SPOCK3: variants seen among roughly 807,000 people sequenced by gnomAD.
SPOCK3 encodes the protein SPARC (osteonectin), cwcv and kazal like domains proteoglycan 3, also known as testican-3.
In SPOCK3, 30 loss-of-function variants were observed where a neutral mutation model predicts 56.6. That is an observed-to-expected ratio of 0.53 (90% CI 0.40 to 0.72). The LOEUF (loss-of-function observed/expected upper bound fraction) is 0.72, where lower values mean the gene tolerates loss of function less well. Ranked by LOEUF, SPOCK3 falls within the 30% of genes least tolerant of loss-of-function variation. SPOCK3 has a pLI of 0.00. For synonymous variants in SPOCK3, 196 were observed against 183.3 expected, an observed-to-expected ratio of 1.07 and a Z score of -0.56; for missense variants, 527 against 530.0, an observed-to-expected ratio of 0.99 and a Z score of 0.06.
intron 2 of SPOCK3, among the ~76,000 whole-genome samples, chr4:167,220,378 CT>C (rs61002914): frequency 0.036 from 4,663 of 129,970 alleles, 153 homozygotes; most frequent in African/African-American, 0.092. Flanking sequence ...ACTGTAAGAA[CT>C]TTTTTTTTTT....
chr4:167,216,948 A>T (rs1448857379), intron 2 of SPOCK3, among the ~76,000 whole-genome samples: 1 of 152,104 alleles, frequency 6.6e-6, no homozygotes, highest in Non-Finnish European at 1.5e-5. Flanking sequence ...CTGAATGACA[A>T]TAGTACAGAG....
At chr4:166,850,757 G>A (rs1251468376) in intron 6 of SPOCK3, among the ~76,000 whole-genome samples, 2 of 152,212 alleles carry the variant, frequency 1.3e-5, no homozygotes, top group South Asian at 2.1e-4. Context: ...GCGCTTTTCC[G>A]ACGGGCTTAA....
At chr4:166,936,842 A>C (rs1740460313) in intron 4 of SPOCK3, among the ~76,000 whole-genome samples, 1 of 152,130 alleles carries the variant, frequency 6.6e-6, no homozygotes, top group African/African-American at 2.4e-5. Context: ...ACCAAATTTA[A>C]GGTTATATGA....
rs538979081 is a variant in SPOCK3 at position 166,978,180 on chromosome 4, T to C, written c.350+22169A>G. On this transcript the variant is annotated intron_variant, in intron 4 of 10. Transcript: ENST00000357545. ...TTCACAAGTTAAAACAGTTGAGCTC[T>C]TATACTCCATAATTCTTACTTCTCT... 3.3e-5 allele frequency among the ~76,000 whole-genome samples: 5 copies of C among 152,318 alleles called. No individual in the cohort carries two copies. The South Asian group carries it at 8.3e-4, about 25-fold the overall frequency.
intron 3 of SPOCK3, among the ~76,000 whole-genome samples, chr4:167,024,350 A>G (rs1751490932): frequency 6.6e-6 from 1 of 152,016 alleles, no homozygotes; most frequent in African/African-American, 2.4e-5. Flanking sequence ...TTATTTTCAA[A>G]TTTATTTTTT....
At chr4:166,810,409 C>T (rs1355326098) in intron 6 of SPOCK3, among the ~76,000 whole-genome samples, 1 of 151,982 alleles carries the variant, frequency 6.6e-6, no homozygotes, top group African/African-American at 2.4e-5. Context: ...CTTGTACTTT[C>T]TCAAAAACAA....
intron 6 of SPOCK3, among the ~76,000 whole-genome samples, chr4:166,860,032 C>G (rs943641226): frequency 2.0e-5 from 3 of 152,056 alleles, no homozygotes; most frequent in Non-Finnish European, 4.4e-5. Flanking sequence ...TGTAAGAGAA[C>G]GTAAGATAAT....
chr4:167,204,788 C>CT (rs1733868362), intron 2 of SPOCK3, among the ~76,000 whole-genome samples: 1 of 151,524 alleles, frequency 6.6e-6, no homozygotes, highest in Non-Finnish European at 1.5e-5. Context: ...GGCGACGGGT[C>CT]TTTGTTATAG....
chr4:167,108,998 ATATAT>A, intron 2 of SPOCK3, among the ~76,000 whole-genome samples: 1 of 98,772 alleles, frequency 1.0e-5, no homozygotes, highest in African/African-American at 4.8e-5. Flanking sequence ...ATATTTATAT[ATATAT>A]AAATATATAC....
chr4:167,142,796 T>C (rs1192316530), intron 2 of SPOCK3, among the ~76,000 whole-genome samples: 2 of 151,998 alleles, frequency 1.3e-5, no homozygotes, highest in East Asian at 1.9e-4. Context: ...AAATGAACAA[T>C]AGGGACAAAG....
intron 6 of SPOCK3, among the ~76,000 whole-genome samples, chr4:166,795,927 T>G (rs1420140188): frequency 1.3e-5 from 2 of 152,172 alleles, no homozygotes; most frequent in Non-Finnish European, 2.9e-5. Context: ...TCTTATGGTA[T>G]TAGAAGATAG....
At position 167,205,391 on chromosome 4, in the gene SPOCK3, T is replaced by A. The variant is rs534768134; in HGVS notation, c.189+28594A>T. Among the ~76,000 whole-genome samples, 245 of 42,846 alleles carry A rather than the reference T, an allele frequency of 5.7e-3. 9 individuals are homozygous for A. Among genetic ancestry groups the A allele is most frequent in the African/African-American group, 0.027 (226 of 8,334 alleles). The allele number at this position is 42,846 out of a possible 152,430, so 28.1% of individuals were successfully genotyped here. A position where few individuals can be genotyped will look rare whatever the true frequency, so the allele number is the denominator to read the frequency against. Reference sequence around the variant, plus strand: ...TATTTTATATATATAATATATATATTTTATATATAATATATTATATATTAA... The same window carrying A: ...TATTTTATATATATAATATATATATATTATATATAATATATTATATATTAA... On this transcript the variant is annotated intron_variant, in intron 2 of 10. Coordinates refer to ENST00000357545, the MANE Select transcript of SPOCK3 (RefSeq NM_001040159.2).
intron 3 of SPOCK3, among the ~76,000 whole-genome samples, chr4:167,033,470 T>TATAA (rs1752465804): frequency 6.6e-6 from 1 of 151,448 alleles, no homozygotes; most frequent in Non-Finnish European, 1.5e-5. Flanking sequence ...TCATTGATCT[T>TATAA]GTTTACTTCT....
intron 6 of SPOCK3, among the ~76,000 whole-genome samples, chr4:166,830,865 T>A (rs1047726032): frequency 1.3e-5 from 2 of 152,172 alleles, no homozygotes; most frequent in Non-Finnish European, 2.9e-5. Flanking sequence ...GAGAACTTCC[T>A]CAAGGAAGAA....
Position 167,003,711 on chromosome 4 carries a change from C to T in SPOCK3, c.236-3248G>A, listed in dbSNP as rs191545493. Among the ~76,000 whole-genome samples the T allele has an allele frequency of 3.5e-4, 53 of 152,326 alleles. 1 individual carries two copies. In the South Asian group the frequency reaches 8.7e-3, roughly 25 times the overall value. On this transcript the variant is annotated intron_variant, in intron 3 of 10. Coordinates refer to ENST00000357545, the MANE Select transcript of SPOCK3 (RefSeq NM_001040159.2). Reference sequence around the variant, plus strand: ...ATTTCAGCAATTGCATTTGACTTCACTTGGCTATATTCTTTTCTTCATCCT... The same window carrying T: ...ATTTCAGCAATTGCATTTGACTTCATTTGGCTATATTCTTTTCTTCATCCT...
intron 2 of SPOCK3, among the ~76,000 whole-genome samples, chr4:167,117,517 G>A (rs139826152): frequency 1.3e-3 from 192 of 152,272 alleles, no homozygotes; most frequent in South Asian, 2.3e-3. Context: ...CCCCACCCAC[G>A]TAGTACACAG....
At chr4:166,852,068 A>G (rs1262986006) in intron 6 of SPOCK3, among the ~76,000 whole-genome samples, 3 of 150,866 alleles carry the variant, frequency 2.0e-5, no homozygotes, top group East Asian at 2.0e-4. Flanking sequence ...AACACCGCAT[A>G]TTCTCACTCA....
At chr4:167,206,370 A>C (rs1399958766) in intron 2 of SPOCK3, among the ~76,000 whole-genome samples, 1 of 152,084 alleles carries the variant, frequency 6.6e-6, no homozygotes, top group Non-Finnish European at 1.5e-5. Context: ...TGCATACACA[A>C]ATTGAACCCT....
chr4:166,848,969 C>T (rs1163833058), intron 6 of SPOCK3, among the ~76,000 whole-genome samples: 1 of 152,178 alleles, frequency 6.6e-6, no homozygotes, highest in African/African-American at 2.4e-5. Context: ...CATCATTAGA[C>T]TTCATTTTAT....
Sources: gnomAD v4.1 joint callset for allele counts (sites outside exome capture counted in the v4.1 genomes callset) on GRCh38, gnomAD v4.1.1 for gene constraint, MANE v1.5 for transcripts, NCBI Gene and HGNC (gene_info 2026-07-23, HGNC 2026-07-21) for gene names.